DRC9: variants seen among roughly 807,000 people sequenced by gnomAD.
The protein encoded by DRC9 is dynein regulatory complex protein 9.
the DRC9 span, among the ~76,000 whole-genome samples, chr3:197,903,725 T>C: frequency 6.6e-6 from 1 of 151,908 alleles, no homozygotes; most frequent in Non-Finnish European, 1.5e-5. Context: ...GGAGAAAATA[T>C]TTGCAAACTA....
chr3:197,890,821 AC>A, the DRC9 span, among the ~76,000 whole-genome samples: 1 of 152,190 alleles, frequency 6.6e-6, no homozygotes. Flanking sequence ...ATAAAACTTA[AC>A]TATTTTAGAT....
the DRC9 span, chr3:197,891,678 AT>A: frequency 2.2e-6 from 1 of 455,528 alleles, no homozygotes; most frequent in Non-Finnish European, 3.9e-6. Context: ...AAAGAAAAAA[AT>A]GTAATAGATT....
At chr3:197,956,624 G>GTTTTTTTTTTTTTTTT in the DRC9 span, 94 of 135,156 alleles carry the variant, frequency 7.0e-4, 2 homozygotes, top group East Asian at 1.9e-3. Flanking sequence ...TTGCTGTATG[G>GTTTTTTTTTTTTTTTT]TTTTTTTTTT....
chr3:197,942,620 A>G, the DRC9 span, among the ~76,000 whole-genome samples: 2 of 152,140 alleles, frequency 1.3e-5, no homozygotes, highest in African/African-American at 4.8e-5. Flanking sequence ...AGAATCAGAC[A>G]TAAGAATATC....
the DRC9 span, among the ~76,000 whole-genome samples, chr3:197,938,294 G>A: frequency 6.8e-6 from 1 of 146,776 alleles, no homozygotes; most frequent in Non-Finnish European, 1.5e-5. Context: ...TCCAGCCTTG[G>A]TGACAAGAGC....
At chr3:197,955,509 G>A in the DRC9 span, among the ~76,000 whole-genome samples, 2 of 152,038 alleles carry the variant, frequency 1.3e-5, no homozygotes, top group African/African-American at 2.4e-5. Context: ...GGATCTGCCC[G>A]CCTAGGCCTC....
At chr3:197,925,081 G>A in the DRC9 span, among the ~76,000 whole-genome samples, 1 of 152,076 alleles carries the variant, frequency 6.6e-6, no homozygotes, top group South Asian at 2.1e-4. Context: ...TTCATAATGT[G>A]CTGAATGTCT....
At chr3:197,898,855 TATCAG>T in the DRC9 span, among the ~76,000 whole-genome samples, 3 of 152,152 alleles carry the variant, frequency 2.0e-5, no homozygotes, top group African/African-American at 7.2e-5. Flanking sequence ...AACCAAACCA[TATCAG>T]ATGGTGTTTT....
chr3:197,954,108 C>T, the DRC9 span: 4 of 1,614,184 alleles, frequency 2.5e-6, no homozygotes, highest in East Asian at 8.9e-5. Context: ...AATTCCGAAG[C>T]AATCTTCCTG....
the DRC9 span, among the ~76,000 whole-genome samples, chr3:197,943,259 G>A: frequency 6.6e-6 from 1 of 152,180 alleles, no homozygotes; most frequent in African/African-American, 2.4e-5. Context: ...TATTCATACT[G>A]ATTTCAGTAG....
the DRC9 span, among the ~76,000 whole-genome samples, chr3:197,905,394 A>G: frequency 6.6e-6 from 1 of 152,152 alleles, no homozygotes; most frequent in Non-Finnish European, 1.5e-5. Flanking sequence ...TTAGAAAAAG[A>G]AAAGAGTTTA....
chr3:197,909,938 C>A, the DRC9 span, among the ~76,000 whole-genome samples: 1 of 152,070 alleles, frequency 6.6e-6, no homozygotes, highest in East Asian at 1.9e-4. Context: ...TGCAGTGAGC[C>A]GAGATCGCGC....
the DRC9 span, among the ~76,000 whole-genome samples, chr3:197,946,289 G>T: frequency 3.3e-5 from 5 of 151,608 alleles, no homozygotes; most frequent in South Asian, 2.1e-4. Flanking sequence ...CAAAAAATTA[G>T]CCGGGCGTGG....
the DRC9 span, chr3:197,950,024 T>C: frequency 1.2e-6 from 1 of 865,636 alleles, no homozygotes; most frequent in Non-Finnish European, 1.5e-6. Context: ...CCTACCAAGA[T>C]GAAAGGACTT....
chr3:197,926,681 T>C, the DRC9 span, among the ~76,000 whole-genome samples: 1 of 152,062 alleles, frequency 6.6e-6, no homozygotes, highest in Non-Finnish European at 1.5e-5. Context: ...ACTGCTCCCA[T>C]CCCATTATTA....
the DRC9 span, chr3:197,906,364 T>G: frequency 6.6e-6 from 1 of 151,850 alleles, no homozygotes; most frequent in African/African-American, 2.4e-5. Context: ...AATCAGCAAC[T>G]CTCTCAATGT....
chr3:197,926,042 T>C, the DRC9 span: 1 of 1,584,800 alleles, frequency 6.3e-7, no homozygotes, highest in South Asian at 1.1e-5. Flanking sequence ...CAAATTGCCA[T>C]TCCTTTTTGA....
chr3:197,894,184 CAT>C, the DRC9 span, among the ~76,000 whole-genome samples: 2 of 152,150 alleles, frequency 1.3e-5, no homozygotes, highest in African/African-American at 4.8e-5. Flanking sequence ...CTGGTTCCCT[CAT>C]ATATAAAATT....
chr3:197,951,175 A>G, the DRC9 span: 15 of 1,614,030 alleles, frequency 9.3e-6, no homozygotes, highest in Non-Finnish European at 1.3e-5. Context: ...GTCCAAGGCC[A>G]TTTTTGCTGG....
Sources: gnomAD v4.1 joint callset for allele counts (sites outside exome capture counted in the v4.1 genomes callset) on GRCh38, gnomAD v4.1.1 for gene constraint, MANE v1.5 for transcripts, NCBI Gene and HGNC (gene_info 2026-07-23, HGNC 2026-07-21) for gene names.